Variants in CCDC172 observed in about 807,000 individuals in gnomAD.
CCDC172 encodes the protein coiled-coil domain-containing protein 172.
CCDC172 carries 30 observed loss-of-function variants against 38.0 expected under a neutral mutation model. That is an observed-to-expected ratio of 0.79 (90% CI 0.59 to 1.07). CCDC172 has a LOEUF of 1.07. Ranked by LOEUF, CCDC172 falls within the 50% of genes least tolerant of loss-of-function variation. The pLI, the probability that CCDC172 is intolerant of heterozygous loss-of-function variation, is 0.00. For missense variants in CCDC172, 297 were observed against 290.1 expected (o/e 1.02, Z -0.17); for synonymous variants, 78 against 88.3 (o/e 0.88, Z 0.66).
chr10:116,370,342 C>A (rs926045434), intron 7 of CCDC172, among the ~76,000 whole-genome samples: 2 of 151,840 alleles, frequency 1.3e-5, no homozygotes, highest in African/African-American at 2.4e-5. Flanking sequence ...ACATTTAAAT[C>A]TTTGATCCAT....
intron 4 of CCDC172, 47 bp from the exon 5 acceptor site, chr10:116,341,986 ATAT>A (rs1203866766): frequency 4.9e-6 from 6 of 1,218,880 alleles, no homozygotes; most frequent in African/African-American, 1.6e-5. Context: ...TTAAGGAAAA[ATAT>A]TATTGCAACT....
intron 7 of CCDC172, among the ~76,000 whole-genome samples, chr10:116,364,230 T>G (rs1287318119): frequency 6.6e-6 from 1 of 152,126 alleles, no homozygotes; most frequent in Non-Finnish European, 1.5e-5. Flanking sequence ...ATCAATAAAA[T>G]GTAAATTAAA....
chr10:116,368,823 A>C (rs1845154464), intron 7 of CCDC172, among the ~76,000 whole-genome samples: 1 of 151,968 alleles, frequency 6.6e-6, no homozygotes, highest in African/African-American at 2.4e-5. Context: ...AAATTTACAC[A>C]ATCTCCTCCA....
intron 7 of CCDC172, among the ~76,000 whole-genome samples, chr10:116,372,431 C>T (rs1845195847): frequency 6.6e-6 from 1 of 152,012 alleles, no homozygotes; most frequent in Admixed American, 6.6e-5. Context: ...TTGATGATCC[C>T]AGAATGTACC....
chr10:116,377,719 AT>A (rs142380148), intron 7 of CCDC172, among the ~76,000 whole-genome samples: 4 of 151,216 alleles, frequency 2.6e-5, no homozygotes, highest in African/African-American at 9.7e-5. Context: ...CTCAAGGGTC[AT>A]TTTTTTTTCT....
intron 7 of CCDC172, among the ~76,000 whole-genome samples, chr10:116,369,094 C>T (rs1313438282): frequency 1.3e-5 from 2 of 151,934 alleles, no homozygotes; most frequent in Non-Finnish European, 2.9e-5. Flanking sequence ...CTATTGTGTT[C>T]AAAAATCACT....
intron 5 of CCDC172, among the ~76,000 whole-genome samples, chr10:116,354,743 A>C (rs2134945044): frequency 6.6e-6 from 1 of 152,232 alleles, no homozygotes; most frequent in South Asian, 2.1e-4. Flanking sequence ...AAATAATAAT[A>C]GTAATAAATA....
chr10:116,347,823 A>T (rs1844885735), intron 5 of CCDC172, among the ~76,000 whole-genome samples: 2 of 152,138 alleles, frequency 1.3e-5, no homozygotes, highest in Non-Finnish European at 2.9e-5. Flanking sequence ...TTCTATGTTT[A>T]GTTGCATCCT....
chr10:116,343,395 T>A (rs1170678990), intron 5 of CCDC172, among the ~76,000 whole-genome samples: 1 of 152,148 alleles, frequency 6.6e-6, no homozygotes, highest in Non-Finnish European at 1.5e-5. Context: ...ATTCTGAAAT[T>A]GAGCCAGGCA....
intron 5 of CCDC172, among the ~76,000 whole-genome samples, chr10:116,344,257 G>T (rs761097946): frequency 1.2e-4 from 18 of 152,260 alleles, no homozygotes; most frequent in Non-Finnish European, 2.4e-4. Context: ...TTCTTAGTCA[G>T]TATCATCGTG....
At chr10:116,372,543 C>G (rs1248728894) in intron 7 of CCDC172, among the ~76,000 whole-genome samples, 1 of 152,044 alleles carries the variant, frequency 6.6e-6, no homozygotes, top group Admixed American at 6.6e-5. Context: ...GAATAATATG[C>G]TATGTATCCT....
Position 116,356,388 on chromosome 10 carries a change from GAGGAAGGA to G in CCDC172, c.449-974_449-967del, listed in dbSNP as rs542807297. Among the ~76,000 whole-genome samples, 4 of 144,172 alleles carry G rather than the reference GAGGAAGGA, an allele frequency of 2.8e-5. 1 individual carries two copies. The allele number at this position is 144,172 out of a possible 152,430, so 94.6% of individuals were successfully genotyped here. A position where few individuals can be genotyped will look rare whatever the true frequency, so the allele number is the denominator to read the frequency against. ...GAGGAGGAAGAAGAGGGGAGGGAGG[GAGGAAGGA>G]AGGAAGGAAGGAAGGAAACCTGATA... On this transcript the variant is annotated intron_variant, in intron 5 of 8. Coordinates refer to ENST00000333254, the MANE Select transcript of CCDC172 (RefSeq NM_198515.3).
intron 3 of CCDC172, among the ~76,000 whole-genome samples, chr10:116,336,672 G>A (rs17094547): frequency 0.093 from 14,131 of 151,512 alleles, 898 homozygotes; most frequent in East Asian, 0.21. Flanking sequence ...AATTTTCTAC[G>A]TAACTCTTAG....
At chr10:116,351,256 C>T (rs1272249226) in intron 5 of CCDC172, among the ~76,000 whole-genome samples, 1 of 151,492 alleles carries the variant, frequency 6.6e-6, no homozygotes. Flanking sequence ...TCCTGGATTC[C>T]CTCTATTGAA....
At chr10:116,340,635 G>T (rs1232270529) in intron 3 of CCDC172, 99 bp from the exon 4 acceptor site, 8 of 621,104 alleles carry the variant, frequency 1.3e-5, no homozygotes, top group Non-Finnish European at 2.3e-5. Context: ...GATTAATACA[G>T]AATATATTTT....
chr10:116,332,331 A>C (rs908061141), intron 3 of CCDC172, among the ~76,000 whole-genome samples: 1 of 152,028 alleles, frequency 6.6e-6, no homozygotes, highest in Non-Finnish European at 1.5e-5. Flanking sequence ...TTTTGCTTTT[A>C]CTGCCATATT....
chr10:116,344,362 C>T (rs1844837669), intron 5 of CCDC172, among the ~76,000 whole-genome samples: 1 of 152,196 alleles, frequency 6.6e-6, no homozygotes, highest in African/African-American at 2.4e-5. Context: ...AGGCTGTAAG[C>T]CTGTACTCAA....
intron 3 of CCDC172, among the ~76,000 whole-genome samples, chr10:116,340,439 G>GT (rs1565713997): frequency 1.3e-5 from 2 of 151,772 alleles, no homozygotes; most frequent in African/African-American, 4.8e-5. Context: ...AAAAGCGTTA[G>GT]TACCTAGCTA....
intron 7 of CCDC172, among the ~76,000 whole-genome samples, chr10:116,359,650 T>A (rs768732791): frequency 1.3e-5 from 2 of 152,044 alleles, no homozygotes; most frequent in Non-Finnish European, 2.9e-5. Context: ...GGTTGCAAAG[T>A]CCCCCCAAGT....
Sources: gnomAD v4.1 joint callset for allele counts (sites outside exome capture counted in the v4.1 genomes callset) on GRCh38, gnomAD v4.1.1 for gene constraint, MANE v1.5 for transcripts, NCBI Gene and HGNC (gene_info 2026-07-23, HGNC 2026-07-21) for gene names.